KLHL13: variants seen among roughly 807,000 people sequenced by gnomAD.
The protein encoded by KLHL13 is kelch-like protein 13.
A neutral mutation model predicts 37.1 loss-of-function variants in KLHL13; 10 were observed. The ratio of observed to expected loss-of-function variants is 0.27; its 90% CI spans 0.17 to 0.46. The LOEUF (loss-of-function observed/expected upper bound fraction) is 0.46. Among genes scored for constraint, KLHL13 ranks in the 20% least tolerant of loss-of-function variants. KLHL13 has a pLI of 1.00. For missense variants in KLHL13, 360 were observed against 509.3 expected, an observed-to-expected ratio of 0.71 and a Z score of 2.82; for synonymous variants, 163 against 181.2, an observed-to-expected ratio of 0.90 and a Z score of 0.81.
At position 118,091,435 on chromosome X, in the gene KLHL13, A is replaced by G. The variant is rs143132725; in HGVS notation, c.-56+25073T>C. 7.9e-3 allele frequency among the ~76,000 whole-genome samples: 877 copies of G among 111,597 alleles called. 12 individuals carry two copies. Among genetic ancestry groups the G allele is most frequent in the African/African-American group, 0.026 (803 of 30,739 alleles). On this transcript the variant is annotated intron_variant, in intron 1 of 6. Transcript: ENST00000371882. ...GCAAAAAAATAAAGTCTCAGTAAAG[A>G]AATAGAAGATATAAAGAAGAACCAA...
intron 1 of KLHL13, among the ~76,000 whole-genome samples, chrX:118,083,171 T>C (rs1204762736): frequency 4.5e-5 from 5 of 111,858 alleles, no homozygotes; most frequent in Non-Finnish European, 7.5e-5. Context: ...GGGTAGCCAA[T>C]ATAGACAACT....
chrX:118,103,918 A>G (rs962283535), intron 1 of KLHL13, among the ~76,000 whole-genome samples: 2 of 109,495 alleles, frequency 1.8e-5, no homozygotes, highest in Admixed American at 9.9e-5. Context: ...ACATTTTATA[A>G]GACATTTTTC....
intron 1 of KLHL13, among the ~76,000 whole-genome samples, chrX:118,085,384 G>A (rs1263668666): frequency 9.0e-6 from 1 of 110,860 alleles, no homozygotes; most frequent in Admixed American, 9.7e-5. Flanking sequence ...GGGGAGAGGG[G>A]AGATAGACTT....
intron 5 of KLHL13, among the ~76,000 whole-genome samples, chrX:117,904,611 T>C (rs774110697): frequency 1.2e-4 from 14 of 112,277 alleles, no homozygotes; most frequent in African/African-American, 4.5e-4. Flanking sequence ...TTTTTACACA[T>C]TGAAAAAGAA....
At chrX:117,973,107 T>C (rs1359706343) in exon 1 of KLHL13, 10 of 984,424 alleles carry the variant, frequency 1.0e-5, no homozygotes, top group Non-Finnish European at 1.0e-5. Context: ...TTTTTAGGAC[T>C]GCACTGTGCA....
chrX:117,946,557 A>T (rs1256509607), intron 1 of KLHL13: 1 of 112,049 alleles, frequency 8.9e-6, no homozygotes, highest in Non-Finnish European at 1.9e-5. Context: ...TAATCTCTGG[A>T]TCACCTGCCT....
At chrX:117,969,868 T>G (rs7063571) in intron 1 of KLHL13, among the ~76,000 whole-genome samples, 9,502 of 111,704 alleles carry the variant, frequency 0.085, 357 homozygotes, top group Middle Eastern at 0.14. Flanking sequence ...AAAGAAAACT[T>G]AAAAATGTTG....
chrX:118,017,340 G>A (rs2054137565), intron 1 of KLHL13, among the ~76,000 whole-genome samples: 1 of 111,381 alleles, frequency 9.0e-6, no homozygotes, highest in Non-Finnish European at 1.9e-5. Flanking sequence ...ATGCATAGTA[G>A]TGCAATGTGA....
At chrX:117,941,331 C>G in intron 2 of KLHL13, among the ~76,000 whole-genome samples, 1 of 111,793 alleles carries the variant, frequency 8.9e-6, no homozygotes, top group East Asian at 2.8e-4. Context: ...GTTTTGGTAT[C>G]AGGATGATGC....
At chrX:118,028,363 C>T in intron 1 of KLHL13, 61 bp downstream of exon 2, 1 of 674,071 alleles carries the variant, frequency 1.5e-6, no homozygotes, top group Non-Finnish European at 2.3e-6. Flanking sequence ...TGAATGCCTG[C>T]TATGTTAGGT....
intron 1 of KLHL13, among the ~76,000 whole-genome samples, chrX:118,066,913 T>C (rs2054800273): frequency 8.9e-6 from 1 of 111,956 alleles, no homozygotes; most frequent in Non-Finnish European, 1.9e-5. Flanking sequence ...TACGTGCCCA[T>C]GAACACAATG....
At chrX:118,017,567 A>G (rs993606807) in intron 1 of KLHL13, among the ~76,000 whole-genome samples, 22 of 111,111 alleles carry the variant, frequency 2.0e-4, no homozygotes, top group African/African-American at 6.9e-4. Context: ...AGAGAAGTAG[A>G]AGAAACATGA....
intron 1 of KLHL13, among the ~76,000 whole-genome samples, chrX:118,045,623 T>C (rs5956003): frequency 0.017 from 1,844 of 109,545 alleles, 36 homozygotes; most frequent in African/African-American, 0.057. Flanking sequence ...GCCAACATGA[T>C]GAAAATCCAT....
At chrX:117,920,169 A>T in intron 3 of KLHL13, 69 bp downstream of exon 4, 1 of 1,085,575 alleles carries the variant, frequency 9.2e-7, no homozygotes. Flanking sequence ...TGTTAGAAAT[A>T]AAAAAGATTT....
At chrX:118,100,338 C>T (rs893502982) in intron 1 of KLHL13, among the ~76,000 whole-genome samples, 2 of 111,033 alleles carry the variant, frequency 1.8e-5, no homozygotes, top group Non-Finnish European at 3.8e-5. Flanking sequence ...AGTTTATTGG[C>T]GTAACGTGAA....
intron 1 of KLHL13, among the ~76,000 whole-genome samples, chrX:117,962,617 A>T (rs148367962): frequency 0.063 from 7,040 of 111,932 alleles, 542 homozygotes; most frequent in African/African-American, 0.21. Flanking sequence ...CTTGACAGTA[A>T]GCAAGTAAAG....
At chrX:118,029,731 T>G (rs138422965) in intron 1 of KLHL13, among the ~76,000 whole-genome samples, 6,146 of 111,661 alleles carry the variant, frequency 0.055, 408 homozygotes, top group African/African-American at 0.19. Context: ...CACTTTGGGA[T>G]GCCAAGGCGA....
intron 4 of KLHL13, among the ~76,000 whole-genome samples, chrX:117,912,782 T>G (rs779130276): frequency 8.9e-6 from 1 of 111,967 alleles, no homozygotes; most frequent in Non-Finnish European, 1.9e-5. Flanking sequence ...ATAGTTGGTA[T>G]ATATATTTAT....
chrX:118,005,325 AT>A (rs1051991837), intron 1 of KLHL13, among the ~76,000 whole-genome samples: 8 of 111,835 alleles, frequency 7.2e-5, no homozygotes, highest in Non-Finnish European at 1.3e-4. Context: ...TTTGAAAATA[AT>A]TTTTTAACTT....
Sources: gnomAD v4.1 joint callset for allele counts (sites outside exome capture counted in the v4.1 genomes callset) on GRCh38, gnomAD v4.1.1 for gene constraint, MANE v1.5 for transcripts, NCBI Gene and HGNC (gene_info 2026-07-23, HGNC 2026-07-21) for gene names.